The following E2F5 variants were observed in gnomAD, a reference collection of about 807,000 sequenced individuals.
The protein encoded by E2F5 is transcription factor E2F5.
E2F5 carries 23 observed loss-of-function variants against 39.1 expected under a neutral mutation model. The observed-to-expected ratio is 0.59, with a 90% CI of 0.42 to 0.83. The LOEUF (loss-of-function observed/expected upper bound fraction) is 0.83, where lower values mean the gene tolerates loss of function less well. Among genes scored for constraint, E2F5 ranks in the 40% least tolerant of loss-of-function variants. The pLI is 0.00. For synonymous variants in E2F5, 145 were observed against 157.8 expected (o/e 0.92, Z 0.61); for missense variants, 365 against 406.7 (o/e 0.90, Z 0.88).
In E2F5 at chr8:85,209,268, G is replaced by A. The variant is rs770871737; in HGVS notation, c.742G>A (p.Asp248Asn). 10 of 1,613,782 alleles carry A rather than the reference G, an allele frequency of 6.2e-6. No individual in the cohort carries two copies. Among genetic ancestry groups the A allele is most frequent in the Non-Finnish European group, 7.6e-6 (9 of 1,179,884 alleles). The part of the protein sequence containing the change: ...PVVFPVPPPD[D>N]LTQPSSQSLT... ...GGTTTTTCCTGTTCCCCCACCTGAT[G>A]ACCTCACACAGCCTTCCTCCCAGTC... The change falls in exon 6 of 8, where the codon GAC becomes AAC. Residue 248 changes from aspartate to asparagine, a missense_variant. Physicochemically the swap from Asp to Asn is conservative, Grantham distance 23 (BLOSUM62 1). Transcript: ENST00000416274.
intron 1 of E2F5, among the ~76,000 whole-genome samples, chr8:85,183,557 A>G (rs1433164092): frequency 6.6e-6 from 1 of 152,254 alleles, no homozygotes; most frequent in African/African-American, 2.4e-5. Context: ...ACAATGGAAT[A>G]TTCTTCAGGC....
intron 3 of E2F5, among the ~76,000 whole-genome samples, chr8:85,204,518 A>G (rs1343805579): frequency 1.6e-5 from 2 of 128,648 alleles, no homozygotes; most frequent in African/African-American, 5.9e-5. Flanking sequence ...CAGGAAGGGG[A>G]ACATCACACA....
intron 6 of E2F5, 107 bp downstream of exon 6, chr8:85,209,516 A>T: frequency 3.0e-6 from 4 of 1,338,644 alleles, no homozygotes; most frequent in Non-Finnish European, 4.0e-6. Context: ...AGCACTTTTG[A>T]CATTTTGGAA....
chr8:85,193,255 G>A (rs1468262355), intron 1 of E2F5, among the ~76,000 whole-genome samples: 2 of 152,020 alleles, frequency 1.3e-5, no homozygotes, highest in Non-Finnish European at 2.9e-5. Context: ...GAGGCCAAGC[G>A]GGCAGATCAC....
At chr8:85,213,311 A>G (rs557128923) in intron 7 of E2F5, 43 of 152,836 alleles carry the variant, frequency 2.8e-4, no homozygotes, top group Non-Finnish European at 5.8e-4. Context: ...TTGGGAGGCC[A>G]AGGCGGGCGA....
rs372244208 is a variant in E2F5, at chr8:85,206,132, C to T, written c.507-45C>T. The T allele has an allele frequency of 4.3e-5, 68 of 1,581,662 alleles. No individual in the cohort carries two copies. The African/African-American group carries it at 8.5e-4, about 20-fold the overall frequency. ...AGATGTATTACCTTAATTTAAATGC[C>T]TACGGCTTGATATAAATGTCGTTCC... On this transcript the variant is annotated intron_variant, in intron 3 of 7. Coordinates refer to ENST00000416274, the MANE Select transcript of E2F5 (RefSeq NM_001951.4).
intron 1 of E2F5, among the ~76,000 whole-genome samples, chr8:85,182,067 GA>G (rs1310320825): frequency 1.3e-5 from 2 of 152,138 alleles, no homozygotes; most frequent in African/African-American, 4.8e-5. Context: ...GTGATGTGAG[GA>G]AAGTTTATTC....
rs1226140570 is a variant in E2F5, at chr8:85,177,503, C to G, written c.83C>G (p.Pro28Arg). 3 of 1,084,328 alleles carry G rather than the reference C, an allele frequency of 2.8e-6. No individual in the cohort carries two copies. Among genetic ancestry groups the G allele is most frequent in the Non-Finnish European group, 3.3e-6 (3 of 895,782 alleles). 67.2% of individuals were successfully genotyped at this position (1,084,328 alleles called of 1,614,324 possible). A position where few individuals can be genotyped will look rare whatever the true frequency, so the allele number is the denominator to read the frequency against. The stretch of plus-strand genomic sequence containing the variant: ...GGCCAGCGGCCGCCGCCGCAGCCTC[C>G]GCAGGCGCAAGCCCCGCAGCCGCCC... The part of the protein sequence containing the change: ...GQGQRPPPQP[P>R]QAQAPQPPPP... Residue 28 changes from proline (P) to arginine (R), a missense_variant, in exon 1 of 8, where the codon CCG becomes CGG. Physicochemically the swap from Pro to Arg is moderately radical, Grantham distance 103. Transcript: ENST00000416274.
intron 1 of E2F5, among the ~76,000 whole-genome samples, chr8:85,184,382 A>G (rs1013485735): frequency 1.3e-5 from 2 of 152,238 alleles, no homozygotes; most frequent in African/African-American, 2.4e-5. Flanking sequence ...TAATAAGGCT[A>G]TTTATGACAA....
chr8:85,180,744 AT>A (rs1171220789), intron 1 of E2F5, among the ~76,000 whole-genome samples: 11 of 148,594 alleles, frequency 7.4e-5, no homozygotes, highest in African/African-American at 1.2e-4. Flanking sequence ...CGCCCGGCTA[AT>A]TTTTTTTGTA....
chr8:85,177,909 GC>G, intron 1 of E2F5: 1 of 471,860 alleles, frequency 2.1e-6, no homozygotes, highest in Non-Finnish European at 2.9e-6. Context: ...TCGACAAAGA[GC>G]CCAGGACCTC....
chr8:85,195,388 AAAG>A (rs1360331911), intron 1 of E2F5, among the ~76,000 whole-genome samples: 2 of 152,218 alleles, frequency 1.3e-5, no homozygotes, highest in African/African-American at 4.8e-5. Flanking sequence ...GTCTCAAAAA[AAAG>A]AAAAAGTAGG....
intron 1 of E2F5, among the ~76,000 whole-genome samples, chr8:85,200,107 C>T (rs1400094651): frequency 6.6e-6 from 1 of 152,024 alleles, no homozygotes; most frequent in Non-Finnish European, 1.5e-5. Context: ...ATTAGCCAGT[C>T]GTGGTGGTAC....
At chr8:85,202,718 C>T (rs145019113) in intron 2 of E2F5, among the ~76,000 whole-genome samples, 79 of 152,172 alleles carry the variant, frequency 5.2e-4, no homozygotes, top group East Asian at 5.0e-3. Flanking sequence ...GTTTTGTTTT[C>T]GCCAAAATTC....
At chr8:85,211,403 AAAAT>A (rs757640300) in intron 6 of E2F5, among the ~76,000 whole-genome samples, 38 of 151,938 alleles carry the variant, frequency 2.5e-4, no homozygotes, top group East Asian at 1.9e-4. Context: ...ATCCTGTCTC[AAAAT>A]AAATAAATAA....
chr8:85,210,570 A>G (rs552347761), intron 6 of E2F5, among the ~76,000 whole-genome samples: 3 of 152,150 alleles, frequency 2.0e-5, no homozygotes, highest in African/African-American at 4.8e-5. Context: ...AGTCCCAGCT[A>G]CTTGGAAAGC....
chr8:85,183,338 G>A (rs918399248), intron 1 of E2F5, among the ~76,000 whole-genome samples: 2 of 152,220 alleles, frequency 1.3e-5, no homozygotes, highest in Admixed American at 6.5e-5. Context: ...GGAGAGATAT[G>A]TGGGTAGGAC....
chr8:85,191,741 C>G (rs1300347809), intron 1 of E2F5, among the ~76,000 whole-genome samples: 1 of 152,124 alleles, frequency 6.6e-6, no homozygotes, highest in Non-Finnish European at 1.5e-5. Context: ...CCTTACTATC[C>G]TTTATCACAA....
intron 7 of E2F5, chr8:85,213,047 G>C (rs137909210): frequency 0.021 from 3,141 of 151,578 alleles, 56 homozygotes; most frequent in Middle Eastern, 0.037. Flanking sequence ...ACAGGCACCT[G>C]CCACCACACC....
Sources: gnomAD v4.1 joint callset for allele counts (sites outside exome capture counted in the v4.1 genomes callset) on GRCh38, gnomAD v4.1.1 for gene constraint, MANE v1.5 for transcripts, NCBI Gene and HGNC (gene_info 2026-07-23, HGNC 2026-07-21) for gene names.